Variants in ABCB4 observed in about 807,000 individuals in gnomAD.
ABCB4 encodes the protein ATP binding cassette subfamily B member 4, also known as phosphatidylcholine translocator ABCB4.
In ABCB4, 76 loss-of-function variants were observed where a neutral mutation model predicts 145.7. The ratio of observed to expected loss-of-function variants is 0.52; its 90% confidence interval spans 0.43 to 0.63. The LOEUF is 0.63. Ranked by LOEUF, ABCB4 falls within the 30% of genes least tolerant of loss-of-function variation. The pLI is 0.00. For missense variants in ABCB4, 1,234 were observed against 1,553.1 expected, an observed-to-expected ratio of 0.79 and a Z score of 3.45; for synonymous variants, 517 against 566.8, an observed-to-expected ratio of 0.91 and a Z score of 1.25.
chr7:87,386,432 T>G, the ABCB4 span, among the ~76,000 whole-genome samples: 1 of 152,188 alleles, frequency 6.6e-6, no homozygotes, highest in Non-Finnish European at 1.5e-5. Flanking sequence ...TTCTAGGTTT[T>G]CCAATTTGTT....
chr7:87,422,201 C>T lies in ABCB4; in HGVS notation c.2236G>A (p.Val746Met), dbSNP rs1809491368. 1.9e-6 allele frequency: 3 copies of T among 1,613,672 alleles called. No homozygotes were observed. The East Asian group carries it at 6.7e-5, about 36-fold the overall frequency. Residue 746 changes from valine (V) to methionine (M), a missense_variant, in exon 18 of 28, where the codon GTG becomes ATG. By Grantham distance (21) the Val-to-Met change is conservative (BLOSUM62 1). Coordinates refer to ENST00000649586, the MANE Select transcript of ABCB4 (RefSeq NM_000443.4). ...IAIFGPGDDA[V>M]KQQKCNIFSL... ...AATATGTTGCACTTCTGCTGCTTCA[C>T]TGCATCATCGCCTGGTCCAAAAATC...
intron 14 of ABCB4, among the ~76,000 whole-genome samples, chr7:87,434,312 T>C (rs898154496): frequency 1.4e-4 from 22 of 152,062 alleles, no homozygotes; most frequent in Admixed American, 1.4e-3. Flanking sequence ...GGTATGAAAC[T>C]GTATTGCCTT....
At chr7:87,464,195 A>C (rs1812695068) in intron 3 of ABCB4, among the ~76,000 whole-genome samples, 1 of 152,224 alleles carries the variant, frequency 6.6e-6, no homozygotes, top group Admixed American at 6.5e-5. Flanking sequence ...GGCTGAGGTT[A>C]GAGGCACATG....
At chr7:87,454,708 T>A in intron 4 of ABCB4, 116 bp from the exon 5 acceptor site, 1 of 792,066 alleles carries the variant, frequency 1.3e-6, no homozygotes, top group Non-Finnish European at 2.1e-6. Flanking sequence ...ATGCTATTGT[T>A]AAGTTTCTCT....
chr7:87,423,107 C>T (rs1182336922), intron 17 of ABCB4, among the ~76,000 whole-genome samples: 1 of 152,038 alleles, frequency 6.6e-6, no homozygotes, highest in Non-Finnish European at 1.5e-5. Context: ...TCCAACATCA[C>T]AAAAATAATA....
chr7:87,473,409 A>G (rs1813578623), intron 2 of ABCB4, among the ~76,000 whole-genome samples: 1 of 152,170 alleles, frequency 6.6e-6, no homozygotes, highest in Non-Finnish European at 1.5e-5. Flanking sequence ...TGAACTCACC[A>G]AACATGTACC....
At chr7:87,440,863 C>T (rs963411378) in intron 12 of ABCB4, among the ~76,000 whole-genome samples, 4 of 152,018 alleles carry the variant, frequency 2.6e-5, no homozygotes, top group East Asian at 1.9e-4. Flanking sequence ...GCCTCAGCCT[C>T]GAGAGTAGCT....
At chr7:87,445,509 A>G (rs992050241) in intron 9 of ABCB4, among the ~76,000 whole-genome samples, 4 of 152,246 alleles carry the variant, frequency 2.6e-5, no homozygotes, top group Non-Finnish European at 4.4e-5. Context: ...TGTAGCATAC[A>G]ACACTTAACA....
At chr7:87,457,106 C>G (rs774328035) in intron 4 of ABCB4, among the ~76,000 whole-genome samples, 29 of 152,098 alleles carry the variant, frequency 1.9e-4, no homozygotes, top group Non-Finnish European at 3.1e-4. Flanking sequence ...CTGGTTGAGT[C>G]CAGAGCATCA....
At chr7:87,403,441 C>T (rs2116313344) in intron 26 of ABCB4, 160 bp from the exon 27 acceptor site, 2 of 656,150 alleles carry the variant, frequency 3.0e-6, no homozygotes, top group East Asian at 2.7e-5. Context: ...AAACTAGTGA[C>T]TTTAATTCTC....
chr7:87,371,924 G>A, the ABCB4 span, among the ~76,000 whole-genome samples: 2 of 150,570 alleles, frequency 1.3e-5, no homozygotes, highest in African/African-American at 4.9e-5. Flanking sequence ...AGCCCAGGAG[G>A]TCGAGGCTGC....
rs186976987 is a variant in ABCB4, at chr7:87,475,381, T to G, written c.80+5A>C. On this transcript the variant is annotated splice_donor_5th_base_variant and intron_variant, in intron 2 of 27. Transcript: ENST00000649586. ...CGGAAAAGCCAGTGGCTGCTGGGGATGTACCTGCTGATGCCCAGTTCAAAG... is the reference window on the plus strand; with the variant it reads ...CGGAAAAGCCAGTGGCTGCTGGGGAGGTACCTGCTGATGCCCAGTTCAAAG... The G allele has an allele frequency of 6.2e-5, 100 of 1,614,222 alleles. No individual in the cohort carries two copies. The African/African-American group carries it at 1.2e-3, about 20-fold the overall frequency.
Position 87,422,135 on chromosome 7 carries a change from T to TA in ABCB4, c.2301dup (p.Thr768TyrfsTer26). On this transcript the variant is annotated frameshift_variant, in exon 18 of 28. Coordinates refer to ENST00000649586, the MANE Select transcript of ABCB4 (RefSeq NM_000443.4). LOFTEE classifies it high-confidence loss of function. ...TGGGTACCTACCTGAAGGAAGAAAG[T>TA]AAAAAAAGAAATAATTCCCAGAAAT... The TA allele has an allele frequency of 6.2e-7, 1 of 1,609,734 alleles. No homozygotes were observed. Among genetic ancestry groups the TA allele is most frequent in the Non-Finnish European group, 8.5e-7 (1 of 1,176,914 alleles).
At chr7:87,398,369 C>A (rs778390029), downstream of ABCB4, 13 of 881,430 alleles carry the variant, frequency 1.5e-5, 1 homozygote, top group South Asian at 1.8e-4. Context: ...ACAGATATGG[C>A]TTTACCTTCA....
Position 87,402,112 on chromosome 7 carries a change from C to A in ABCB4, c.3824G>T (p.Gly1275Val). The part of the protein sequence containing the change: ...IYFSMVSVQA[G>V]TQNL ...AGCAAAAGTTCATAAGTTCTGTGTC[C>A]CAGCCTGGACACTGACCATTGAAAA... Residue 1275 changes from glycine to valine, a missense_variant, in exon 28 of 28, where the codon GGG (glycine) becomes GTG (valine). Physicochemically the swap from Gly to Val is moderately radical, Grantham distance 109. Around this residue, in one of 7 missense-constraint regions of ABCB4, gnomAD observed 58 missense variants for 75.9 expected, o/e 0.76. Transcript: ENST00000649586. The A allele has an allele frequency of 1.2e-6, 2 of 1,613,940 alleles. No individual in the cohort carries two copies. The highest frequency in any genetic ancestry group is 1.7e-6 in the Non-Finnish European group (2 of 1,180,000).
the ABCB4 span, among the ~76,000 whole-genome samples, chr7:87,370,364 G>A: frequency 1.3e-5 from 2 of 152,054 alleles, no homozygotes; most frequent in Admixed American, 6.5e-5. Flanking sequence ...TGTATTTTTA[G>A]TAGGGATGAG....
intron 8 of ABCB4, among the ~76,000 whole-genome samples, chr7:87,448,370 T>C (rs918685118): frequency 6.6e-6 from 1 of 152,208 alleles, no homozygotes; most frequent in Non-Finnish European, 1.5e-5. Context: ...TTAAAAAACA[T>C]ATTCTGCCAT....
At chr7:87,426,944 A>AGTAT (rs1809865883) in intron 15 of ABCB4, 24 bp from the exon 16 acceptor site, 2 of 968,816 alleles carry the variant, frequency 2.1e-6, no homozygotes, top group African/African-American at 3.3e-5. Context: ...AAGACATTAA[A>AGTAT]GTGTGTGTGT....
intron 3 of ABCB4, among the ~76,000 whole-genome samples, chr7:87,469,791 G>A (rs1327740805): frequency 1.3e-5 from 2 of 152,156 alleles, no homozygotes; most frequent in Non-Finnish European, 2.9e-5. Flanking sequence ...TGGCCATACT[G>A]CCCAAGGTAA....
Sources: gnomAD v4.1 joint callset for allele counts (sites outside exome capture counted in the v4.1 genomes callset) on GRCh38, gnomAD v4.1.1 for gene constraint, gnomAD v4.1.1 regional missense constraint, MANE v1.5 for transcripts, NCBI Gene and HGNC (gene_info 2026-07-23, HGNC 2026-07-21) for gene names.